Variants in ISL1 observed in about 807,000 individuals in gnomAD.
ISL1 encodes the protein insulin gene enhancer protein ISL-1.
A neutral mutation model predicts 35.3 loss-of-function variants in ISL1; 4 were observed. The ratio of observed to expected loss-of-function variants is 0.11; its 90% CI spans 0.06 to 0.26. The LOEUF is 0.26. ISL1 is among the 10% of genes least tolerant of loss of function. ISL1 has a pLI of 1.00. For synonymous variants in ISL1, 186 were observed against 172.3 expected, an observed-to-expected ratio of 1.08 and a Z score of -0.62; for missense variants, 340 against 472.8, an observed-to-expected ratio of 0.72 and a Z score of 2.60.
At chr5:51,385,225 A>T (rs1747315155) in intron 2 of ISL1, among the ~76,000 whole-genome samples, 1 of 152,238 alleles carries the variant, frequency 6.6e-6, no homozygotes, top group African/African-American at 2.4e-5. Context: ...ACTTTGAAAG[A>T]GCGAGTACAG....
chr5:51,390,662 T>C (rs1016261205), intron 4 of ISL1, among the ~76,000 whole-genome samples: 34,384 of 111,674 alleles, frequency 0.31, 6,321 homozygotes, highest in African/African-American at 0.35. Flanking sequence ...TTTTTTTTTT[T>C]TTTTTTTTTT....
chr5:51,393,147 A>G (rs1041586851), intron 5 of ISL1, among the ~76,000 whole-genome samples: 10 of 152,218 alleles, frequency 6.6e-5, no homozygotes, highest in African/African-American at 2.4e-4. Context: ...TCCCAGGGCA[A>G]CATGTAGCCA....
In ISL1 at chr5:51,389,918, C is replaced by A. The variant is rs560435407; in HGVS notation, c.751C>A (p.Pro251Thr). Residue 251 changes from proline (P) to threonine (T), a missense_variant, in exon 4 of 6, where the codon CCC becomes ACC. Pro to Thr is a conservative substitution (Grantham distance 38, BLOSUM62 -1). This residue lies in a region of ISL1 where 25 missense variants were observed against 43.2 expected (regional missense o/e 0.58). Transcript: ENST00000230658. The surrounding 1 kb of genome is among the most constrained non-coding windows in gnomAD (Gnocchi z 5.0). Reference sequence around the variant, plus strand: ...GATGAAGCAACTCCAGCAGCAGCAGCCCAATGACAAAACTGTGAGTGGCTC... The same window carrying A: ...GATGAAGCAACTCCAGCAGCAGCAGACCAATGACAAAACTGTGAGTGGCTC... ...IMMKQLQQQQPNDKTNIQGMT... is the reference protein window; with the variant it reads ...IMMKQLQQQQTNDKTNIQGMT... 3.1e-6 allele frequency: 5 copies of A among 1,613,928 alleles called. No homozygotes were observed. In the South Asian group the frequency reaches 3.3e-5, roughly 11 times the overall value.
rs537410479 is a variant in ISL1 at position 51,393,390 on chromosome 5, A to G, written c.934-104A>G. 13 of 760,162 alleles carry G rather than the reference A, an allele frequency of 1.7e-5. No individual in the cohort carries two copies. The South Asian group carries it at 1.9e-4, about 11-fold the overall frequency. The allele number at this position is 760,162 out of a possible 1,614,324, so 47.1% of individuals were successfully genotyped here. ...GTTATCTATGTGAATATCTTTACATATCTATCTACACAAACATTTCTACAT... is the reference window on the plus strand; with the variant it reads ...GTTATCTATGTGAATATCTTTACATGTCTATCTACACAAACATTTCTACAT... On this transcript the variant is annotated intron_variant, in intron 5 of 5. Coordinates refer to ENST00000230658, the MANE Select transcript of ISL1 (RefSeq NM_002202.3).
intron 2 of ISL1, among the ~76,000 whole-genome samples, 197 bp downstream of exon 2, chr5:51,384,927 A>G (rs898414860): frequency 6.6e-6 from 1 of 152,034 alleles, no homozygotes; most frequent in Non-Finnish European, 1.5e-5. Context: ...AAAAACAAAA[A>G]CCCTTAACAG....
At position 51,387,216 on chromosome 5, in the gene ISL1, T is replaced by C. The variant is rs1747365626; in HGVS notation, c.219-274T>C. Among the ~76,000 whole-genome samples the C allele has an allele frequency of 6.6e-6, 1 of 151,372 alleles. No individual in the cohort carries two copies. Among genetic ancestry groups the C allele is most frequent in the African/African-American group, 2.4e-5 (1 of 41,096 alleles). ...GTGTTTTGAGCTAAGAGTTACCAAC[T>C]AAGACAGAGGTTCATCGGAAAGGAA... On this transcript the variant is annotated intron_variant, in intron 2 of 5. Coordinates refer to ENST00000230658, the MANE Select transcript of ISL1 (RefSeq NM_002202.3). The surrounding 1 kb of genome is among the most constrained non-coding windows in gnomAD (Gnocchi z 4.3).
In ISL1 at chr5:51,387,720, T is replaced by C; in HGVS notation, c.449T>C (p.Leu150Pro). 2.5e-6 allele frequency: 4 copies of C among 1,614,178 alleles called. No homozygotes were observed. The highest frequency in any genetic ancestry group is 3.4e-6 in the Non-Finnish European group (4 of 1,180,032). Residue 150 changes from leucine (L) to proline (P), a missense_variant, in exon 3 of 6, where the codon CTG (leucine) becomes CCG (proline). This residue lies in a region of ISL1 where 94 missense variants were observed against 102.1 expected (regional missense o/e 0.92). Coordinates refer to ENST00000230658, the MANE Select transcript of ISL1 (RefSeq NM_002202.3). The surrounding 1 kb of genome is among the most constrained non-coding windows in gnomAD (Gnocchi z 4.3). Reference sequence around the variant, plus strand: ...GGCGCTGGCGACCCGCTCAGTCCCCTGCATCCAGCGCGGCCACTGCAAATG... The same window carrying C: ...GGCGCTGGCGACCCGCTCAGTCCCCCGCATCCAGCGCGGCCACTGCAAATG... ...SLGAGDPLSP[L>P]HPARPLQMAA...
Position 51,383,681 on chromosome 5 carries a change from A to G in ISL1, c.10A>G (p.Met4Val). 1 of 1,611,240 alleles carries G rather than the reference A, an allele frequency of 6.2e-7. No individual in the cohort carries two copies. The highest frequency in any genetic ancestry group is 8.5e-7 in the Non-Finnish European group (1 of 1,177,342). The change falls in exon 1 of 6, where the codon ATG (methionine) becomes GTG (valine). Residue 4 changes from methionine to valine, a missense_variant. This residue lies in a region of ISL1 where 22 missense variants were observed against 18.4 expected (regional missense o/e 1.20). Coordinates refer to ENST00000230658, the MANE Select transcript of ISL1 (RefSeq NM_002202.3). ...ACTCCCTCTTACAGATATGGGAGACATGGGAGATCCACCAAAAAGTAAGAG... is the reference window on the plus strand; with the variant it reads ...ACTCCCTCTTACAGATATGGGAGACGTGGGAGATCCACCAAAAAGTAAGAG... MGD[M>V]GDPPKKKRLI... is the part of the protein sequence containing the mutation.
chr5:51,393,183 C>T (rs1397490065), intron 5 of ISL1, among the ~76,000 whole-genome samples: 3 of 152,276 alleles, frequency 2.0e-5, no homozygotes, highest in East Asian at 3.9e-4. Flanking sequence ...TTCGAGCATG[C>T]ATAGTAGAGT....
rs1239891007 is a variant in ISL1, at chr5:51,389,468, G to A, written c.479-178G>A. On this transcript the variant is annotated intron_variant, in intron 3 of 5. Coordinates refer to ENST00000230658, the MANE Select transcript of ISL1 (RefSeq NM_002202.3). The surrounding 1 kb of genome is among the most constrained non-coding windows in gnomAD (Gnocchi z 5.0). ...CACCCTCTTCGCCCCCACCTCTGCCGCCCCCTGCTTTGTGTGCTGAGGCTG... is the reference window on the plus strand; with the variant it reads ...CACCCTCTTCGCCCCCACCTCTGCCACCCCCTGCTTTGTGTGCTGAGGCTG... Among the ~76,000 whole-genome samples, 1 of 142,590 alleles carries A rather than the reference G, an allele frequency of 7.0e-6. No homozygotes were observed. The highest frequency in any genetic ancestry group is 1.5e-5 in the Non-Finnish European group (1 of 66,720). 93.5% of individuals were successfully genotyped at this position (142,590 alleles called of 152,430 possible).
Position 51,384,593 on chromosome 5 carries a change from G to A in ISL1, c.81G>A (p.Gln27=), listed in dbSNP as rs914142196. ...GTTGCGGCAATCAGATTCACGATCA[G>A]TATATTCTGAGGGTTTCTCCGGATT... ...CVGCGNQIHD[Q]YILRVSPDLE... Residue 27 remains glutamine, a synonymous_variant, in exon 2 of 6, where the codon CAG becomes CAA. Coordinates refer to ENST00000230658, the MANE Select transcript of ISL1 (RefSeq NM_002202.3). The A allele has an allele frequency of 2.5e-6, 4 of 1,614,118 alleles. No homozygotes were observed. The highest frequency in any genetic ancestry group is 3.4e-6 in the Non-Finnish European group (4 of 1,180,014).
chr5:51,390,132 G>A (rs1050426902), intron 4 of ISL1, among the ~76,000 whole-genome samples, 200 bp downstream of exon 4: 7 of 152,136 alleles, frequency 4.6e-5, no homozygotes, highest in African/African-American at 1.7e-4. Flanking sequence ...CTGAGGGCGG[G>A]GAAGCTGGGA....
chr5:51,383,548 T>A lies in ISL1; in HGVS notation c.-124T>A. The A allele has an allele frequency of 1.2e-6, 1 of 858,180 alleles. No individual in the cohort carries two copies. The highest frequency in any genetic ancestry group is 2.0e-6 in the Non-Finnish European group (1 of 494,764). 53.2% of individuals were successfully genotyped at this position (858,180 alleles called of 1,614,324 possible). ...GCGGCGCAGCCGAGCAGCGGCTCTT[T>A]CAGCATTGGCAACCCCAGGGGCCAA... On this transcript the variant is annotated 5_prime_UTR_variant, in exon 1 of 6. Transcript: ENST00000230658.
chr5:51,389,146 C>T lies in ISL1; in HGVS notation c.479-500C>T, dbSNP rs1478095513. On this transcript the variant is annotated intron_variant, in intron 3 of 5. Transcript: ENST00000230658. The surrounding 1 kb of genome is among the most constrained non-coding windows in gnomAD (Gnocchi z 5.0). The stretch of plus-strand genomic sequence containing the variant: ...AGTATTTATGGCTGTCACTGAAGTG[C>T]TCTGCGTTCCTTTCCCTGGTACCCT... 6.6e-6 allele frequency among the ~76,000 whole-genome samples: 1 copy of T among 152,132 alleles called. No homozygotes were observed. Among genetic ancestry groups the T allele is most frequent in the East Asian group, 1.9e-4 (1 of 5,146 alleles).
At chr5:51,391,534 C>T (rs1747515192) in intron 5 of ISL1, 93 bp downstream of exon 5, 2 of 1,429,594 alleles carry the variant, frequency 1.4e-6, no homozygotes, top group Admixed American at 1.7e-5. Context: ...GGGGAGGGTG[C>T]CTTCTTGGGC....
Position 51,387,660 on chromosome 5 carries a change from G to A in ISL1, c.389G>A (p.Arg130Gln). The A allele has an allele frequency of 6.2e-7, 1 of 1,614,210 alleles. No individual in the cohort carries two copies. The highest frequency in any genetic ancestry group is 8.5e-7 in the Non-Finnish European group (1 of 1,180,052). Residue 130 changes from arginine (R) to glutamine (Q), a missense_variant, in exon 3 of 6, where the codon CGA (arginine) becomes CAA (glutamine). Arg to Gln is a conservative substitution (Grantham distance 43, BLOSUM62 1). Transcript: ENST00000230658. This position sits in a 1 kb window ranked among gnomAD's most constrained non-coding sequence, Gnocchi z 4.3. Reference sequence around the variant, plus strand: ...CTTCGGGAGGACGGTCTCTTCTGCCGAGCAGACCACGATGTGGTGGAGAGG... The same window carrying A: ...CTTCGGGAGGACGGTCTCTTCTGCCAAGCAGACCACGATGTGGTGGAGAGG... ...FALREDGLFC[R>Q]ADHDVVERAS...
At chr5:51,383,895 C>T (rs904985135) in intron 1 of ISL1, among the ~76,000 whole-genome samples, 196 bp downstream of exon 1, 5 of 152,082 alleles carry the variant, frequency 3.3e-5, no homozygotes, top group African/African-American at 1.2e-4. Context: ...CTGATTGTAC[C>T]TTGTGTGTGA....
In ISL1 at chr5:51,387,660, G is replaced by T; in HGVS notation, c.389G>T (p.Arg130Leu). The T allele has an allele frequency of 3.7e-6, 6 of 1,614,210 alleles. No individual in the cohort carries two copies. Among genetic ancestry groups the T allele is most frequent in the Non-Finnish European group, 5.1e-6 (6 of 1,180,052 alleles). The change falls in exon 3 of 6, where the codon CGA (arginine) becomes CTA (leucine). Residue 130 changes from arginine (R) to leucine (L), a missense_variant. Transcript: ENST00000230658. This position sits in a 1 kb window ranked among gnomAD's most constrained non-coding sequence, Gnocchi z 4.3. ...FALREDGLFCRADHDVVERAS... is the reference protein window; with the variant it reads ...FALREDGLFCLADHDVVERAS... ...CTTCGGGAGGACGGTCTCTTCTGCC[G>T]AGCAGACCACGATGTGGTGGAGAGG...
Position 51,383,692 on chromosome 5 carries a change from A to T in ISL1, c.21A>T (p.Pro7=). ...CAGATATGGGAGACATGGGAGATCC[A>T]CCAAAAAGTAAGAGGCTATTTTACC... MGDMGD[P]PKKKRLISLC... The change falls in exon 1 of 6, where the codon CCA becomes CCT. Residue 7 remains proline, a synonymous_variant. Coordinates refer to ENST00000230658, the MANE Select transcript of ISL1 (RefSeq NM_002202.3). 1 of 1,611,552 alleles carries T rather than the reference A, an allele frequency of 6.2e-7. No homozygotes were observed. Among genetic ancestry groups the T allele is most frequent in the Non-Finnish European group, 8.5e-7 (1 of 1,177,646 alleles).
Sources: gnomAD v4.1 joint callset for allele counts (sites outside exome capture counted in the v4.1 genomes callset) on GRCh38, gnomAD v4.1.1 for gene constraint, gnomAD v4.1.1 regional missense constraint, Gnocchi (gnomAD v3.1) non-coding constraint, MANE v1.5 for transcripts, NCBI Gene and HGNC (gene_info 2026-07-23, HGNC 2026-07-21) for gene names.